FAM246B: variants seen among roughly 807,000 people sequenced by gnomAD.
FAM246B encodes protein FAM246B.
exon 1 of FAM246B, among the ~76,000 whole-genome samples, chr22:18,634,143 C>G (rs2930748): frequency 5.2e-5 from 3 of 58,072 alleles, no homozygotes; most frequent in African/African-American, 1.6e-4. Flanking sequence ...TCGCCTGCTC[C>G]GCCAGCTCCG....
chr22:18,634,233 G>A lies in FAM246B; in HGVS notation c.250G>A (p.Gly84Ser), dbSNP rs1280720529. Among the ~76,000 whole-genome samples the A allele has an allele frequency of 3.7e-5, 2 of 53,746 alleles. 1 individual carries two copies. The highest frequency in any genetic ancestry group is 1.3e-3 in the East Asian group (2 of 1,500). 35.3% of individuals were successfully genotyped at this position (53,746 alleles called of 152,430 possible). The change falls in exon 1 of 1, where the codon GGC becomes AGC. Residue 84 changes from glycine (G) to serine (S), a missense_variant. Transcript: ENST00000652395. ...TGCGGGGGCCGGGGCGGCGGGCGCG[G>A]GCGAGAGGACCGGCGCGCACAGCCG... is the stretch of plus-strand genomic sequence containing the variant.
exon 1 of FAM246B, among the ~76,000 whole-genome samples, chr22:18,634,514 G>C (rs1449052896): frequency 3.2e-5 from 2 of 61,668 alleles, no homozygotes; most frequent in African/African-American, 8.9e-5. Context: ...CCCGCGGCCC[G>C]ACCCTGCTGC....
chr22:18,634,856 G>C (rs563853746), downstream of FAM246B, among the ~76,000 whole-genome samples: 422 of 145,276 alleles, frequency 2.9e-3, 3 homozygotes, highest in African/African-American at 0.01. Flanking sequence ...GGGAGGGGGT[G>C]GGCGCGGGAC....
downstream of FAM246B, among the ~76,000 whole-genome samples, chr22:18,635,103 G>A (rs1284924064): frequency 7.5e-6 from 1 of 133,912 alleles, no homozygotes; most frequent in Non-Finnish European, 1.7e-5. Flanking sequence ...TCTCAGTGAC[G>A]AGGCAGGGTC....
chr22:18,634,908 G>A (rs1364878113), downstream of FAM246B, among the ~76,000 whole-genome samples: 5 of 148,088 alleles, frequency 3.4e-5, no homozygotes, highest in South Asian at 1.2e-3. Flanking sequence ...GTGCGGATGG[G>A]AGCCGGGGTC....
exon 1 of FAM246B, among the ~76,000 whole-genome samples, chr22:18,634,456 C>G (rs1176050699): frequency 1.7e-5 from 1 of 59,048 alleles, no homozygotes; most frequent in Non-Finnish European, 4.2e-5. Context: ...CCGCCGCCGC[C>G]GTCCCCGCCT....
chr22:18,634,522 T>C lies in FAM246B; in HGVS notation c.539T>C (p.Leu180Pro), dbSNP rs1432571889. Reference sequence around the variant, plus strand: ...GCCGCGCCCCGCGGCCCGACCCTGCTGCGGACGCTCGGCACCGTGAGCGCC... The same window carrying C: ...GCCGCGCCCCGCGGCCCGACCCTGCCGCGGACGCTCGGCACCGTGAGCGCC... Residue 180 changes from leucine (L) to proline (P), a missense_variant, in exon 1 of 1, where the codon CTG becomes CCG. Physicochemically the swap from Leu to Pro is moderately conservative, Grantham distance 98. Coordinates refer to ENST00000652395, the Ensembl canonical transcript of FAM246B. Among the ~76,000 whole-genome samples the C allele has an allele frequency of 6.2e-3, 374 of 60,070 alleles. 108 individuals are homozygous for C. The highest frequency in any genetic ancestry group is 0.016 in the African/African-American group (355 of 21,644). 39.4% of individuals were successfully genotyped at this position (60,070 alleles called of 152,430 possible). A position where few individuals can be genotyped will look rare whatever the true frequency, so the allele number is the denominator to read the frequency against.
exon 1 of FAM246B, among the ~76,000 whole-genome samples, chr22:18,634,441 T>TGCC (rs558825079): frequency 0.031 from 1,681 of 54,990 alleles, 398 homozygotes; most frequent in African/African-American, 0.08. Context: ...CGCGCGCTGC[T>TGCC]GCCGCCGCCG....
chr22:18,634,462 C>T (rs1433890212), exon 1 of FAM246B, among the ~76,000 whole-genome samples: 5 of 59,732 alleles, frequency 8.4e-5, no homozygotes, highest in African/African-American at 2.3e-4. Context: ...CCGCCGTCCC[C>T]GCCTGCCCGC....
At chr22:18,635,173 C>T (rs926555840), downstream of FAM246B, among the ~76,000 whole-genome samples, 3 of 121,074 alleles carry the variant, frequency 2.5e-5, no homozygotes, top group African/African-American at 5.3e-5. Context: ...GGACACAGGG[C>T]GGCTGAGACA....
exon 1 of FAM246B, among the ~76,000 whole-genome samples, chr22:18,634,217 C>T (rs1933688039): frequency 1.8e-5 from 1 of 54,404 alleles, no homozygotes; most frequent in Non-Finnish European, 4.3e-5. Context: ...GTGCGGGGGC[C>T]GGGGCGGCGG....
chr22:18,634,889 G>A (rs1436807901), downstream of FAM246B, among the ~76,000 whole-genome samples: 2 of 148,754 alleles, frequency 1.3e-5, no homozygotes, highest in African/African-American at 4.9e-5. Flanking sequence ...GGCCACGTGC[G>A]TCTGGGGAGT....
rs1439719121 is a variant in FAM246B, at chr22:18,634,583, G to C, written c.600G>C (p.Pro200=). 4.8e-5 allele frequency among the ~76,000 whole-genome samples: 3 copies of C among 62,362 alleles called. 1 individual carries two copies. The highest frequency in any genetic ancestry group is 1.2e-4 in the Non-Finnish European group (3 of 24,992). 40.9% of individuals were successfully genotyped at this position (62,362 alleles called of 152,430 possible). A position where few individuals can be genotyped will look rare whatever the true frequency, so the allele number is the denominator to read the frequency against. The change falls in exon 1 of 1, where the codon CCG becomes CCC. Residue 200 remains proline (P), a synonymous_variant. Transcript: ENST00000652395. Reference sequence around the variant, plus strand: ...CCTCCAGGCCCGCAGACGACGCCCCGGACGGCCCAGCAGAATGCGGAGCGC... The same window carrying C: ...CCTCCAGGCCCGCAGACGACGCCCCCGACGGCCCAGCAGAATGCGGAGCGC...
rs1176050699 is a variant in FAM246B, at chr22:18,634,456, C to A, written c.473C>A (p.Pro158Gln). The change falls in exon 1 of 1, where the codon CCG becomes CAG. Residue 158 changes from proline (P) to glutamine (Q), a missense_variant. Transcript: ENST00000652395. ...CGCGCGCTGCTGCCGCCGCCGCCGCCGTCCCCGCCTGCCCGCCGCGAGCCC... is the reference window on the plus strand; with the variant it reads ...CGCGCGCTGCTGCCGCCGCCGCCGCAGTCCCCGCCTGCCCGCCGCGAGCCC... Among the ~76,000 whole-genome samples the A allele has an allele frequency of 3.4e-5, 2 of 59,108 alleles. 1 individual carries two copies. Among genetic ancestry groups the A allele is most frequent in the East Asian group, 1.2e-3 (2 of 1,636 alleles). The allele number at this position is 59,108 out of a possible 152,430, so 38.8% of individuals were successfully genotyped here.
Position 18,634,503 on chromosome 22 carries a change from C to CCCCGCGG in FAM246B, c.525_531dup (p.Thr178ArgfsTer?), listed in dbSNP as rs1313620059. On this transcript the variant is annotated frameshift_variant, in exon 1 of 1. Transcript: ENST00000652395. LOFTEE classifies it high-confidence loss of function. ...GCCCCGCGCCGTCCCCCGCGCCGCG[C>CCCCGCGG]CCCGCGGCCCGACCCTGCTGCGGAC... 1.8e-3 allele frequency among the ~76,000 whole-genome samples: 110 copies of CCCCGCGG among 61,486 alleles called. 34 individuals are homozygous for CCCCGCGG. The highest frequency in any genetic ancestry group is 4.6e-3 in the African/African-American group (104 of 22,432). The allele number at this position is 61,486 out of a possible 152,430, so 40.3% of individuals were successfully genotyped here. A position where few individuals can be genotyped will look rare whatever the true frequency, so the allele number is the denominator to read the frequency against.
downstream of FAM246B, among the ~76,000 whole-genome samples, chr22:18,634,836 C>G: frequency 8.9e-6 from 1 of 112,434 alleles, no homozygotes; most frequent in African/African-American, 3.1e-5. Flanking sequence ...GTTAGGGCTC[C>G]GGTACTGGAG....
Position 18,634,530 on chromosome 22 carries a change from C to T in FAM246B, c.547C>T (p.Leu183Phe), listed in dbSNP as rs1933691895. 3.2e-5 allele frequency among the ~76,000 whole-genome samples: 2 copies of T among 61,962 alleles called. 1 individual carries two copies. Among genetic ancestry groups the T allele is most frequent in the East Asian group, 1.1e-3 (2 of 1,784 alleles). 40.6% of individuals were successfully genotyped at this position (61,962 alleles called of 152,430 possible). A position where few individuals can be genotyped will look rare whatever the true frequency, so the allele number is the denominator to read the frequency against. Residue 183 changes from leucine to phenylalanine, a missense_variant, in exon 1 of 1, where the codon CTC (leucine) becomes TTC (phenylalanine). Transcript: ENST00000652395. ...CCGCGGCCCGACCCTGCTGCGGACG[C>T]TCGGCACCGTGAGCGCCCTGGTCGC... is the stretch of plus-strand genomic sequence containing the variant.
downstream of FAM246B, among the ~76,000 whole-genome samples, chr22:18,634,939 G>A (rs78054604): frequency 0.14 from 20,835 of 145,200 alleles, 1,689 homozygotes; most frequent in East Asian, 0.49. Flanking sequence ...ACTGAGTCCG[G>A]CTAGAGAACA....
chr22:18,634,875 G>T (rs1933697837), downstream of FAM246B, among the ~76,000 whole-genome samples: 1 of 148,020 alleles, frequency 6.8e-6, no homozygotes, highest in Non-Finnish European at 1.5e-5. Flanking sequence ...ACGGGCGGAG[G>T]GTGGGCCACG....
Sources: gnomAD v4.1 joint callset for allele counts (sites outside exome capture counted in the v4.1 genomes callset) on GRCh38, gnomAD v4.1.1 for gene constraint, MANE v1.5 for transcripts, NCBI Gene and HGNC (gene_info 2026-07-23, HGNC 2026-07-21) for gene names.